Variants in RERE observed in about 807,000 individuals in gnomAD.
The protein encoded by RERE is arginine-glutamic acid dipeptide repeats protein.
RERE carries 40 observed loss-of-function variants against 146.1 expected under a neutral mutation model. That is an observed-to-expected ratio of 0.27 (90% CI 0.21 to 0.36). RERE has a LOEUF of 0.36. Ranked by LOEUF, RERE falls within the 10% of genes least tolerant of loss-of-function variation. The pLI is 1.00. For synonymous variants in RERE, 1,003 were observed against 866.0 expected (o/e 1.16, Z -2.78); for missense variants, 1,933 against 2,138.7 (o/e 0.90, Z 1.90).
At chr1:8,788,868 G>A (rs1641308093) in intron 1 of RERE, among the ~76,000 whole-genome samples, 1 of 151,656 alleles carries the variant, frequency 6.6e-6, no homozygotes, top group Admixed American at 6.6e-5. Context: ...TGGGATTACA[G>A]TGAGGCATAA....
chr1:8,495,036 C>T, intron 10 of RERE, 27 bp downstream of exon 10: 1 of 1,506,686 alleles, frequency 6.6e-7, no homozygotes, highest in East Asian at 2.3e-5. Context: ...AGTGTCTTCC[C>T]ACTCAGGGTG....
In RERE at chr1:8,611,523, C is replaced by CA. The variant is rs1480853034; in HGVS notation, c.522+3037dup. ...TGTCTCAAAACAAAAACAACAACAA[C>CA]AAAAAAACACTACTCAAATAAAACA... On this transcript the variant is annotated intron_variant, in intron 4 of 22. Coordinates refer to ENST00000400908, the MANE Select transcript of RERE (RefSeq NM_001042681.2). Among the ~76,000 whole-genome samples the CA allele has an allele frequency of 8.5e-5, 13 of 152,114 alleles. No homozygotes were observed. The East Asian group carries it at 2.3e-3, about 27-fold the overall frequency.
chr1:8,581,112 G>A (rs1468034625), intron 4 of RERE, among the ~76,000 whole-genome samples: 3 of 152,206 alleles, frequency 2.0e-5, no homozygotes. Flanking sequence ...CACCAACAAT[G>A]TATGAGAACT....
chr1:8,807,376 C>T (rs1641711339), intron 1 of RERE, among the ~76,000 whole-genome samples: 1 of 152,120 alleles, frequency 6.6e-6, no homozygotes. Flanking sequence ...TTGAAAAATA[C>T]TTTGCAGTTC....
intron 4 of RERE, among the ~76,000 whole-genome samples, chr1:8,566,631 C>G (rs1646156174): frequency 6.6e-6 from 1 of 151,360 alleles, no homozygotes; most frequent in Admixed American, 6.6e-5. Flanking sequence ...AAACAAAAAA[C>G]AAACAAAAAA....
Position 8,389,601 on chromosome 1 carries a change from A to G in RERE, c.1285-23627T>C, listed in dbSNP as rs1642809199. On this transcript the variant is annotated intron_variant, in intron 12 of 22. Transcript: ENST00000400908. Reference sequence around the variant, plus strand: ...CCCCCCTACCGCCACACATGCTAACAAAAAACCATGAGGAAGGGGTGGAAT... The same window carrying G: ...CCCCCCTACCGCCACACATGCTAACGAAAAACCATGAGGAAGGGGTGGAAT... Among the ~76,000 whole-genome samples the G allele has an allele frequency of 2.0e-5, 3 of 152,150 alleles. No homozygotes were observed. In the South Asian group the frequency reaches 6.2e-4, roughly 32 times the overall value.
intron 11 of RERE, among the ~76,000 whole-genome samples, chr1:8,463,127 TA>T (rs1644547520): frequency 6.6e-6 from 1 of 152,180 alleles, no homozygotes; most frequent in African/African-American, 2.4e-5. Flanking sequence ...TGTTGCCACA[TA>T]AATCTCTTCA....
intron 12 of RERE, among the ~76,000 whole-genome samples, chr1:8,400,116 A>G (rs1643197232): frequency 6.6e-6 from 1 of 151,852 alleles, no homozygotes; most frequent in Admixed American, 6.6e-5. Context: ...AAACTGTAAA[A>G]TTTTTCTATA....
intron 10 of RERE, among the ~76,000 whole-genome samples, chr1:8,486,372 G>A (rs753364894): frequency 6.6e-6 from 1 of 151,980 alleles, no homozygotes; most frequent in African/African-American, 2.4e-5. Flanking sequence ...AATTAAATTA[G>A]AAATCAATAA....
At chr1:8,764,843 TAGTA>T (rs1335778013) in intron 1 of RERE, among the ~76,000 whole-genome samples, 1 of 152,158 alleles carries the variant, frequency 6.6e-6, no homozygotes, top group African/African-American at 2.4e-5. Context: ...AAAACCCAGA[TAGTA>T]AGTATTAGTG....
At chr1:8,388,566 G>A (rs1170311616) in intron 12 of RERE, among the ~76,000 whole-genome samples, 3 of 152,056 alleles carry the variant, frequency 2.0e-5, no homozygotes, top group South Asian at 2.1e-4. Flanking sequence ...TGATCCGCCC[G>A]CCTTGGCCTC....
intron 1 of RERE, among the ~76,000 whole-genome samples, chr1:8,801,082 A>T (rs1433502625): frequency 2.0e-5 from 3 of 152,152 alleles, no homozygotes; most frequent in African/African-American, 7.2e-5. Context: ...AACATGGTAA[A>T]ACCCCGTTTC....
chr1:8,461,994 G>A (rs189203416), intron 11 of RERE, among the ~76,000 whole-genome samples: 24 of 152,132 alleles, frequency 1.6e-4, no homozygotes, highest in Admixed American at 1.5e-3. Context: ...ACAGGCACAT[G>A]GCACCATGTT....
At chr1:8,653,181 G>A (rs1309715600) in intron 2 of RERE, among the ~76,000 whole-genome samples, 2 of 152,168 alleles carry the variant, frequency 1.3e-5, no homozygotes, top group African/African-American at 4.8e-5. Context: ...GACTGTACAG[G>A]CAGCATTTTC....
intron 1 of RERE, among the ~76,000 whole-genome samples, chr1:8,721,589 C>A (rs191317672): frequency 6.6e-6 from 1 of 152,150 alleles, no homozygotes; most frequent in South Asian, 2.1e-4. Flanking sequence ...GCCGGGATTA[C>A]AGATGTGAGC....
At chr1:8,635,700 C>T (rs1647089714) in intron 2 of RERE, among the ~76,000 whole-genome samples, 1 of 152,114 alleles carries the variant, frequency 6.6e-6, no homozygotes, top group Non-Finnish European at 1.5e-5. Context: ...ATATGAAAGA[C>T]CCTTTGTCTT....
chr1:8,426,069 G>GT (rs1644007348), intron 11 of RERE, among the ~76,000 whole-genome samples: 1 of 152,120 alleles, frequency 6.6e-6, no homozygotes, highest in Non-Finnish European at 1.5e-5. Flanking sequence ...GTCTACAGTG[G>GT]TAACTATTTT....
At chr1:8,491,287 A>G (rs1323795888) in intron 10 of RERE, among the ~76,000 whole-genome samples, 1 of 151,978 alleles carries the variant, frequency 6.6e-6, no homozygotes, top group Non-Finnish European at 1.5e-5. Context: ...CTAAAAATAC[A>G]AAATTAGCCG....
chr1:8,426,816 G>A (rs1644020149), intron 11 of RERE, among the ~76,000 whole-genome samples: 1 of 152,136 alleles, frequency 6.6e-6, no homozygotes, highest in Admixed American at 6.5e-5. Context: ...TCCAGAATCT[G>A]GGTAAGGCAT....
Sources: gnomAD v4.1 joint callset for allele counts (sites outside exome capture counted in the v4.1 genomes callset) on GRCh38, gnomAD v4.1.1 for gene constraint, MANE v1.5 for transcripts, NCBI Gene and HGNC (gene_info 2026-07-23, HGNC 2026-07-21) for gene names.